Variants in NDFIP1 observed in about 807,000 individuals in gnomAD.
NDFIP1 encodes NEDD4 family-interacting protein 1.
In NDFIP1, 7 loss-of-function variants were observed where a neutral mutation model predicts 28.8. The observed-to-expected ratio is 0.24, with a 90% CI of 0.14 to 0.46. NDFIP1 has a LOEUF of 0.46. Ranked by LOEUF, NDFIP1 falls within the 20% of genes least tolerant of loss-of-function variation. NDFIP1 has a pLI of 0.99. For missense variants in NDFIP1, 194 were observed against 269.1 expected, an observed-to-expected ratio of 0.72 and a Z score of 1.95; for synonymous variants, 92 against 101.0, an observed-to-expected ratio of 0.91 and a Z score of 0.53.
At chr5:142,141,204 C>G (rs7732571) in intron 6 of NDFIP1, among the ~76,000 whole-genome samples, 18,498 of 102,908 alleles carry the variant, frequency 0.18, 1,841 homozygotes, top group Middle Eastern at 0.35. Flanking sequence ...TTTACAGAGT[C>G]TTGCTCTGTC....
At position 142,125,741 on chromosome 5, in the gene NDFIP1, G is replaced by C. The variant is rs1338498588; in HGVS notation, c.64-6067G>C. ...TTACATTCCCACCAGCAGTGTATTA[G>C]AGTTCCCGTTTCTCCACATACTCAG... On this transcript the variant is annotated intron_variant, in intron 1 of 7. Transcript: ENST00000253814. Among the ~76,000 whole-genome samples, 4 of 152,174 alleles carry C rather than the reference G, an allele frequency of 2.6e-5. No homozygotes were observed. The East Asian group carries it at 7.7e-4, about 29-fold the overall frequency.
chr5:142,136,755 CAAAAAAAAAAA>C (rs33932095), intron 4 of NDFIP1, among the ~76,000 whole-genome samples: 1 of 76,452 alleles, frequency 1.3e-5, no homozygotes, highest in African/African-American at 5.5e-5. Flanking sequence ...GACTTCGTCT[CAAAAAAAAAAA>C]AAAAAAAAGA....
At chr5:142,112,290 C>G (rs1178964533) in intron 1 of NDFIP1, among the ~76,000 whole-genome samples, 3 of 151,560 alleles carry the variant, frequency 2.0e-5, no homozygotes, top group African/African-American at 7.3e-5. Flanking sequence ...GAGGCTGAGG[C>G]AGGAGAATCG....
At chr5:142,120,173 C>T (rs1479834453) in intron 1 of NDFIP1, among the ~76,000 whole-genome samples, 1 of 152,166 alleles carries the variant, frequency 6.6e-6, no homozygotes, top group Non-Finnish European at 1.5e-5. Flanking sequence ...TCAGGCTGGT[C>T]TCAAACTCCT....
intron 6 of NDFIP1, among the ~76,000 whole-genome samples, chr5:142,142,414 T>C (rs1466081732): frequency 2.6e-5 from 4 of 152,184 alleles, no homozygotes; most frequent in Admixed American, 6.5e-5. Context: ...TTTTCTAAAC[T>C]GTACCTTTAA....
intron 6 of NDFIP1, among the ~76,000 whole-genome samples, chr5:142,141,741 T>C (rs1367546806): frequency 6.6e-6 from 1 of 152,180 alleles, no homozygotes; most frequent in Non-Finnish European, 1.5e-5. Context: ...CCTGTTTTGC[T>C]TCTTGTTGCC....
chr5:142,152,984 A>G lies in NDFIP1; in HGVS notation c.*1256A>G. 1 of 290,544 alleles carries G rather than the reference A, an allele frequency of 3.4e-6. No individual in the cohort carries two copies. Among genetic ancestry groups the G allele is most frequent in the Non-Finnish European group, 6.7e-6 (1 of 148,258 alleles). The allele number at this position is 290,544 out of a possible 1,614,324, so 18.0% of individuals were successfully genotyped here. ...TATTTGAACATTGGTTCTGTAAAAGATAATGGACTAAAAAAGTAGAGAGGA... is the reference window on the plus strand; with the variant it reads ...TATTTGAACATTGGTTCTGTAAAAGGTAATGGACTAAAAAAGTAGAGAGGA... On this transcript the variant is annotated 3_prime_UTR_variant, in exon 8 of 8. Coordinates refer to ENST00000253814, the MANE Select transcript of NDFIP1 (RefSeq NM_030571.4).
Position 142,126,947 on chromosome 5 carries a change from T to G in NDFIP1, c.64-4861T>G, listed in dbSNP as rs567775822. On this transcript the variant is annotated intron_variant, in intron 1 of 7. Transcript: ENST00000253814. The stretch of plus-strand genomic sequence containing the variant: ...TTCATAAAAATGTCATATTTATTTT[T>G]AATAACAATAGGACCTAGATACAGA... 6.6e-5 allele frequency among the ~76,000 whole-genome samples: 10 copies of G among 152,178 alleles called. No individual in the cohort carries two copies. The South Asian group carries it at 2.1e-3, about 32-fold the overall frequency.
chr5:142,109,157 G>T, intron 1 of NDFIP1, 120 bp downstream of exon 1: 6 of 945,284 alleles, frequency 6.3e-6, no homozygotes, highest in Non-Finnish European at 8.2e-6. Flanking sequence ...GGCAGGCCGC[G>T]CTGGGCCTGG....
At chr5:142,136,669 C>T (rs1248046389) in intron 4 of NDFIP1, among the ~76,000 whole-genome samples, 3 of 145,780 alleles carry the variant, frequency 2.1e-5, no homozygotes, top group Non-Finnish European at 3.0e-5. Context: ...GCAGGAGAAT[C>T]GATTGAACCC....
At chr5:142,128,398 T>G (rs541708272) in intron 1 of NDFIP1, among the ~76,000 whole-genome samples, 1 of 152,322 alleles carries the variant, frequency 6.6e-6, no homozygotes, top group East Asian at 1.9e-4. Context: ...TGGAACCAAG[T>G]AATCAATTTT....
At chr5:142,128,637 C>A (rs1185255840) in intron 1 of NDFIP1, among the ~76,000 whole-genome samples, 1 of 152,150 alleles carries the variant, frequency 6.6e-6, no homozygotes, top group African/African-American at 2.4e-5. Context: ...CTTGATGGAG[C>A]CTAATCTTAT....
intron 1 of NDFIP1, among the ~76,000 whole-genome samples, chr5:142,129,775 G>A (rs1014079996): frequency 1.3e-5 from 2 of 151,994 alleles, no homozygotes; most frequent in African/African-American, 2.4e-5. Flanking sequence ...AGCCAGGTCT[G>A]GTGGCATACG....
intron 7 of NDFIP1, among the ~76,000 whole-genome samples, chr5:142,147,743 T>C (rs1757405815): frequency 6.6e-6 from 1 of 152,172 alleles, no homozygotes; most frequent in Admixed American, 6.5e-5. Context: ...TCTAGGGAGA[T>C]AGGGATAGGG....
At chr5:142,140,724 T>C in intron 6 of NDFIP1, 95 bp downstream of exon 6, 61 of 884,554 alleles carry the variant, frequency 6.9e-5, no homozygotes, top group Non-Finnish European at 9.4e-5. Flanking sequence ...GATTACTGTA[T>C]AGTAATATAT....
At chr5:142,125,251 G>A (rs1259672110) in intron 1 of NDFIP1, among the ~76,000 whole-genome samples, 1 of 152,154 alleles carries the variant, frequency 6.6e-6, no homozygotes, top group East Asian at 1.9e-4. Flanking sequence ...AACATTGTTG[G>A]CTATTATGGA....
intron 1 of NDFIP1, among the ~76,000 whole-genome samples, chr5:142,130,197 A>G (rs1757213039): frequency 6.6e-6 from 1 of 152,206 alleles, no homozygotes; most frequent in East Asian, 1.9e-4. Flanking sequence ...GTTTTAAATT[A>G]ATATAGTTCA....
At chr5:142,140,267 G>A (rs1757314153) in intron 5 of NDFIP1, among the ~76,000 whole-genome samples, 1 of 151,952 alleles carries the variant, frequency 6.6e-6, no homozygotes, top group South Asian at 2.1e-4. Context: ...TGACCAACAT[G>A]GAGAAACCCC....
At chr5:142,150,376 T>G (rs909252635) in intron 7 of NDFIP1, among the ~76,000 whole-genome samples, 16 of 151,924 alleles carry the variant, frequency 1.1e-4, no homozygotes, top group Admixed American at 1.3e-4. Context: ...CAATCTCTTA[T>G]GTCTCTCAAT....
Sources: gnomAD v4.1 joint callset for allele counts (sites outside exome capture counted in the v4.1 genomes callset) on GRCh38, gnomAD v4.1.1 for gene constraint, MANE v1.5 for transcripts, NCBI Gene and HGNC (gene_info 2026-07-23, HGNC 2026-07-21) for gene names.